PDE1C: variants seen among roughly 807,000 people sequenced by gnomAD.
PDE1C encodes phosphodiesterase 1C.
PDE1C carries 62 observed loss-of-function variants against 93.1 expected under a neutral mutation model. The observed-to-expected ratio is 0.67, with a 90% CI of 0.54 to 0.82. The LOEUF (loss-of-function observed/expected upper bound fraction) is 0.82, where lower values mean the gene tolerates loss of function less well. Among genes scored for constraint, PDE1C ranks in the 40% least tolerant of loss-of-function variants. PDE1C has a pLI of 0.00. For synonymous variants in PDE1C, 325 were observed against 310.1 expected (o/e 1.05, Z -0.50); for missense variants, 742 against 884.6 (o/e 0.84, Z 2.04).
intron 1 of PDE1C, among the ~76,000 whole-genome samples, chr7:32,414,406 A>G (rs1785231471): frequency 6.6e-6 from 1 of 152,194 alleles, no homozygotes; most frequent in Non-Finnish European, 1.5e-5. Flanking sequence ...TATAAAATGT[A>G]TACATATACA....
intron 3 of PDE1C, among the ~76,000 whole-genome samples, chr7:32,147,314 A>AAG (rs1800948094): frequency 6.9e-6 from 1 of 144,460 alleles, no homozygotes; most frequent in Non-Finnish European, 1.5e-5. Flanking sequence ...GAAAGAAAGA[A>AAG]AGAAAGAAAG....
chr7:31,789,621 C>A (rs1190254130), intron 16 of PDE1C: 17 of 939,950 alleles, frequency 1.8e-5, no homozygotes, highest in Non-Finnish European at 2.0e-5. Context: ...TTTTAGAAAA[C>A]AAACAGAATT....
chr7:32,248,149 T>C (rs1393052255), intron 1 of PDE1C, among the ~76,000 whole-genome samples: 1 of 152,182 alleles, frequency 6.6e-6, no homozygotes, highest in Non-Finnish European at 1.5e-5. Context: ...ATATTATACC[T>C]GTTGGGTTTG....
intron 9 of PDE1C, among the ~76,000 whole-genome samples, chr7:31,845,676 T>G (rs1041451643): frequency 6.7e-6 from 1 of 150,360 alleles, no homozygotes; most frequent in Non-Finnish European, 1.5e-5. Context: ...TAAAAAAAAT[T>G]TTTAAAAAGG....
chr7:32,057,102 G>A (rs1323071066), intron 1 of PDE1C, among the ~76,000 whole-genome samples: 1 of 152,168 alleles, frequency 6.6e-6, no homozygotes, highest in Non-Finnish European at 1.5e-5. Context: ...TTATGAACTG[G>A]ATATCACAAT....
intron 3 of PDE1C, among the ~76,000 whole-genome samples, chr7:32,084,609 T>A (rs1465825757): frequency 6.6e-6 from 1 of 151,274 alleles, no homozygotes; most frequent in Non-Finnish European, 1.5e-5. Flanking sequence ...GAAGTAAAGC[T>A]CTCCTCAGCA....
intron 1 of PDE1C, among the ~76,000 whole-genome samples, chr7:32,279,558 T>C (rs1373187226): frequency 6.6e-6 from 1 of 152,132 alleles, no homozygotes; most frequent in African/African-American, 2.4e-5. Flanking sequence ...TATACATGCA[T>C]TGAAATATGA....
chr7:31,837,719 C>A, intron 10 of PDE1C, 151 bp downstream of exon 10: 1 of 582,522 alleles, frequency 1.7e-6, no homozygotes, highest in East Asian at 2.6e-5. Flanking sequence ...GTAGGTACAA[C>A]TTTTATGCTT....
chr7:31,745,991 C>T, the PDE1C span, among the ~76,000 whole-genome samples: 3 of 152,124 alleles, frequency 2.0e-5, no homozygotes, highest in Non-Finnish European at 4.4e-5. Flanking sequence ...GTAAAATGTT[C>T]GCTTCTCGTT....
intron 17 of PDE1C, among the ~76,000 whole-genome samples, chr7:31,757,197 G>T (rs1413863632): frequency 6.6e-6 from 1 of 152,080 alleles, no homozygotes; most frequent in Non-Finnish European, 1.5e-5. Flanking sequence ...GAAAAAGCAG[G>T]ATATATTATC....
intron 9 of PDE1C, among the ~76,000 whole-genome samples, chr7:31,843,644 CCTTTT>C: frequency 1.3e-5 from 2 of 151,786 alleles, no homozygotes; most frequent in East Asian, 3.9e-4. Context: ...ATAACCTTTT[CCTTTT>C]AAGTAGAATG....
the PDE1C span, among the ~76,000 whole-genome samples, chr7:31,718,131 T>G: frequency 6.6e-6 from 1 of 152,144 alleles, no homozygotes; most frequent in Non-Finnish European, 1.5e-5. Context: ...GTATGGGATC[T>G]TGGTCCCAGA....
intron 2 of PDE1C, among the ~76,000 whole-genome samples, chr7:32,022,272 G>C (rs1057349226): frequency 9.9e-5 from 15 of 152,032 alleles, no homozygotes; most frequent in African/African-American, 3.4e-4. Context: ...CAACAGAGTA[G>C]CAAGAATGTT....
At chr7:31,639,582 G>A in the PDE1C span, among the ~76,000 whole-genome samples, 439 of 148,374 alleles carry the variant, frequency 3.0e-3, 9 homozygotes, top group Admixed American at 0.028. Flanking sequence ...TGTCTCCCAG[G>A]CTGGAGTGCA....
At chr7:32,019,150 TAAAAAA>T (rs75146295) in intron 2 of PDE1C, among the ~76,000 whole-genome samples, 1 of 118,842 alleles carries the variant, frequency 8.4e-6, no homozygotes, top group Admixed American at 8.9e-5. Context: ...TATGTTGTTT[TAAAAAA>T]AAAAAAAAAA....
At chr7:31,870,030 T>G (rs1452162823) in intron 6 of PDE1C, among the ~76,000 whole-genome samples, 1 of 151,774 alleles carries the variant, frequency 6.6e-6, no homozygotes, top group Non-Finnish European at 1.5e-5. Context: ...AGAAAGAAAT[T>G]AAGGAGAAAA....
At chr7:31,658,255 A>G in the PDE1C span, 1 of 1,489,638 alleles carries the variant, frequency 6.7e-7, no homozygotes, top group Non-Finnish European at 8.8e-7. Flanking sequence ...TTTATTTAAC[A>G]CATATTCTCT....
intron 2 of PDE1C, among the ~76,000 whole-genome samples, chr7:31,975,919 C>T (rs1399024479): frequency 6.6e-6 from 1 of 152,150 alleles, no homozygotes; most frequent in South Asian, 2.1e-4. Context: ...AGTGACCAAT[C>T]AAAAAGTATC....
intron 2 of PDE1C, among the ~76,000 whole-genome samples, chr7:31,950,759 G>T (rs1384538002): frequency 6.6e-6 from 1 of 152,084 alleles, no homozygotes; most frequent in Non-Finnish European, 1.5e-5. Context: ...ATTACCCAGA[G>T]AATTTAGCAT....
Sources: gnomAD v4.1 joint callset for allele counts (sites outside exome capture counted in the v4.1 genomes callset) on GRCh38, gnomAD v4.1.1 for gene constraint, MANE v1.5 for transcripts, NCBI Gene and HGNC (gene_info 2026-07-23, HGNC 2026-07-21) for gene names.